PCDH15: variants seen among roughly 807,000 people sequenced by gnomAD.
PCDH15 encodes protocadherin-15.
Under a neutral mutation model 178.5 loss-of-function variants are expected in PCDH15, and 129 were observed. The observed-to-expected ratio is 0.72, with a 90% CI of 0.63 to 0.84. PCDH15 has a LOEUF of 0.84. PCDH15 is among the 40% of genes least tolerant of loss of function. PCDH15 has a pLI of 0.00. For missense variants in PCDH15, 2,230 were observed against 2,099.9 expected (o/e 1.06, Z -1.21); for synonymous variants, 800 against 732.0 (o/e 1.09, Z -1.50).
intron 21 of PCDH15, among the ~76,000 whole-genome samples, chr10:53,971,402 A>G (rs776094951): frequency 2.0e-5 from 3 of 152,090 alleles, no homozygotes; most frequent in African/African-American, 7.2e-5. Flanking sequence ...CTATCTCACC[A>G]CTCTTATTCA....
intron 35 of PCDH15, among the ~76,000 whole-genome samples, chr10:53,814,857 G>A (rs2076004148): frequency 6.6e-6 from 1 of 151,826 alleles, no homozygotes; most frequent in Non-Finnish European, 1.5e-5. Flanking sequence ...CCAGCTACTC[G>A]GGAGGCTGAG....
chr10:53,917,031 T>G (rs999572254), intron 25 of PCDH15, among the ~76,000 whole-genome samples: 2 of 152,124 alleles, frequency 1.3e-5, no homozygotes, highest in African/African-American at 4.8e-5. Flanking sequence ...TATAGGAATA[T>G]AGTACACATC....
chr10:53,822,544 T>C (rs1420593272), intron 32 of PCDH15: 2 of 1,613,726 alleles, frequency 1.2e-6, no homozygotes, highest in Non-Finnish European at 1.7e-6. Context: ...AAAATATTTC[T>C]TTCGGTTTCA....
intron 4 of PCDH15, 78 bp downstream of exon 4, chr10:54,378,704 A>G: frequency 6.8e-7 from 1 of 1,460,404 alleles, no homozygotes; most frequent in Non-Finnish European, 9.5e-7. Context: ...AAATAATTCA[A>G]TATCATATAA....
chr10:54,574,905 G>A (rs1225066027), intron 2 of PCDH15, among the ~76,000 whole-genome samples: 1 of 146,558 alleles, frequency 6.8e-6, no homozygotes, highest in Non-Finnish European at 1.5e-5. Context: ...CAACCCAAAT[G>A]TCCAACAATG....
intron 2 of PCDH15, among the ~76,000 whole-genome samples, chr10:55,090,161 A>C (rs1263566878): frequency 1.3e-5 from 2 of 152,068 alleles, no homozygotes; most frequent in African/African-American, 4.8e-5. Flanking sequence ...AAAATATTTT[A>C]CTAGGAAAAA....
intron 2 of PCDH15, among the ~76,000 whole-genome samples, chr10:55,530,754 TAA>T (rs1316434118): frequency 6.6e-6 from 1 of 152,024 alleles, no homozygotes; most frequent in Non-Finnish European, 1.5e-5. Context: ...TCTGGAAAAT[TAA>T]TTATTTTAAG....
chr10:54,766,062 T>C (rs1948477262), intron 1 of PCDH15, among the ~76,000 whole-genome samples: 1 of 152,152 alleles, frequency 6.6e-6, no homozygotes, highest in Non-Finnish European at 1.5e-5. Context: ...AATATAGCTA[T>C]ATACATTGTA....
chr10:53,879,937 C>A (rs1234410810), intron 26 of PCDH15, among the ~76,000 whole-genome samples: 1 of 152,164 alleles, frequency 6.6e-6, no homozygotes, highest in Non-Finnish European at 1.5e-5. Context: ...CAGGCTTGAG[C>A]CATCGCGGCT....
chr10:53,957,147 G>C (rs147116392), intron 23 of PCDH15, among the ~76,000 whole-genome samples: 131 of 152,294 alleles, frequency 8.6e-4, no homozygotes, highest in African/African-American at 3.0e-3. Context: ...TAAAGAGGAA[G>C]TTTAAGCAAT....
chr10:54,789,412 C>T (rs906079192), intron 1 of PCDH15, among the ~76,000 whole-genome samples: 7 of 151,550 alleles, frequency 4.6e-5, no homozygotes, highest in South Asian at 2.1e-4. Flanking sequence ...TGCACTGCAG[C>T]GGAGATGACT....
intron 2 of PCDH15, among the ~76,000 whole-genome samples, chr10:55,506,962 A>G (rs1449156801): frequency 6.6e-6 from 1 of 151,594 alleles, no homozygotes; most frequent in Admixed American, 6.6e-5. Context: ...AAATAGTAAC[A>G]TAGCTCATAA....
intron 1 of PCDH15, among the ~76,000 whole-genome samples, chr10:54,747,612 C>G (rs1268581913): frequency 1.3e-5 from 2 of 152,070 alleles, no homozygotes; most frequent in African/African-American, 4.8e-5. Flanking sequence ...TCAAACAACT[C>G]AAGATCCAAT....
At position 55,401,401 on chromosome 10, in the gene PCDH15, T is replaced by C. The variant is rs138928313; in HGVS notation, c.-156+226224A>G. Reference sequence around the variant, plus strand: ...AATTCGTAGTCATATGGGAGGAATTTGGCCATAGAAATGATAAAGAAGAAA... The same window carrying C: ...AATTCGTAGTCATATGGGAGGAATTCGGCCATAGAAATGATAAAGAAGAAA... On this transcript the variant is annotated intron_variant, in intron 2 of 5. Transcript: ENST00000613346. Among the ~76,000 whole-genome samples, 1,024 of 152,188 alleles carry C rather than the reference T, an allele frequency of 6.7e-3. 12 individuals carry two copies. Among genetic ancestry groups the C allele is most frequent in the Non-Finnish European group, 1.0e-2 (678 of 67,968 alleles).
rs180913111 is a variant in PCDH15 at position 53,983,384 on chromosome 10, G to A, written c.2868+12265C>T. Reference sequence around the variant, plus strand: ...AAAGAAAAAAAAAAAAACAGCAGGCGGAACTCTTCATGTAACCACTGAGAA... The same window carrying A: ...AAAGAAAAAAAAAAAAACAGCAGGCAGAACTCTTCATGTAACCACTGAGAA... On this transcript the variant is annotated intron_variant, in intron 21 of 37. Coordinates refer to ENST00000644397, the MANE Select transcript of PCDH15 (RefSeq NM_001384140.1). Among the ~76,000 whole-genome samples the A allele has an allele frequency of 6.6e-5, 10 of 150,688 alleles. No homozygotes were observed. In the East Asian group the frequency reaches 9.7e-4, roughly 15 times the overall value.
intron 2 of PCDH15, among the ~76,000 whole-genome samples, chr10:54,647,908 GC>G (rs1420308698): frequency 6.6e-6 from 1 of 151,896 alleles, no homozygotes; most frequent in African/African-American, 2.4e-5. Context: ...TATTACCACT[GC>G]CCTCTTGCTT....
chr10:54,959,487 G>A (rs1026258500), intron 2 of PCDH15, among the ~76,000 whole-genome samples: 3 of 151,952 alleles, frequency 2.0e-5, no homozygotes, highest in African/African-American at 7.2e-5. Flanking sequence ...AAGGTGAAAA[G>A]GTTAAGCAGC....
chr10:53,984,981 T>C (rs997162816), intron 21 of PCDH15, among the ~76,000 whole-genome samples: 3 of 152,170 alleles, frequency 2.0e-5, no homozygotes, highest in Admixed American at 6.5e-5. Flanking sequence ...CAAGTTCTCT[T>C]AGGATTCTAT....
rs150848248 is a variant in PCDH15, at chr10:53,835,281, A to G, written c.3984-3748T>C. ...TATAAAGTCTTTTTCTGCCTTCTCC[A>G]TCTTTCTCTTACGATTTGGACATAC... On this transcript the variant is annotated intron_variant, in intron 29 of 37. Coordinates refer to ENST00000644397, the MANE Select transcript of PCDH15 (RefSeq NM_001384140.1). Among the ~76,000 whole-genome samples the G allele has an allele frequency of 3.6e-3, 555 of 152,292 alleles. 4 individuals are homozygous for G. The highest frequency in any genetic ancestry group is 0.013 in the African/African-American group (524 of 41,580).
Sources: allele counts gnomAD v4.1 joint callset (sites outside exome capture counted in the v4.1 genomes callset), GRCh38; gene constraint gnomAD v4.1.1; transcripts MANE v1.5; gene names NCBI Gene and HGNC (gene_info 2026-07-23, HGNC 2026-07-21).